Variants in DEGS2 observed in about 807,000 individuals in gnomAD.
The protein encoded by DEGS2 is delta 4-desaturase, sphingolipid 2.
DEGS2 carries 19 observed loss-of-function variants against 23.8 expected under a neutral mutation model. The observed-to-expected ratio is 0.80, with a 90% CI of 0.56 to 1.17. The LOEUF is 1.17. DEGS2 is among the 50% of genes most tolerant of loss of function. DEGS2 has a pLI of 0.00. For missense variants in DEGS2, 390 were observed against 459.5 expected (o/e 0.85, Z 1.38); for synonymous variants, 218 against 213.7 (o/e 1.02, Z -0.18).
In DEGS2 at chr14:100,146,880, C is replaced by T. The variant is rs748219862; in HGVS notation, c.853G>A (p.Asp285Asn). Reference sequence around the variant, plus strand: ...CAGGAGTGGTGCTGCGGCAGGTGGTCGTAGTACTCGGGCGCGATCTTCCGC... The same window carrying T: ...CAGGAGTGGTGCTGCGGCAGGTGGTTGTAGTACTCGGGCGCGATCTTCCGC... ...LVRKIAPEYY[D>N]HLPQHHSWVK... is the part of the protein sequence containing the mutation. Residue 285 changes from aspartate (D) to asparagine (N), a missense_variant, in exon 3 of 3, where the codon GAC becomes AAC. Coordinates refer to ENST00000305631, the MANE Select transcript of DEGS2 (RefSeq NM_206918.3). 1.6e-5 allele frequency: 26 copies of T among 1,613,268 alleles called. No individual in the cohort carries two copies. The highest frequency in any genetic ancestry group is 1.9e-5 in the Non-Finnish European group (23 of 1,179,828).
At chr14:100,156,842 G>A (rs1306829157) in intron 1 of DEGS2, among the ~76,000 whole-genome samples, 1 of 152,190 alleles carries the variant, frequency 6.6e-6, no homozygotes, top group African/African-American at 2.4e-5. Flanking sequence ...AACAGCTTGT[G>A]CCGGGGAGGG....
rs576957978 is a variant in DEGS2, at chr14:100,159,214, G to A, written c.82+292C>T. 3.3e-4 allele frequency among the ~76,000 whole-genome samples: 50 copies of A among 152,274 alleles called. No individual in the cohort carries two copies. The East Asian group carries it at 9.3e-3, about 28-fold the overall frequency. On this transcript the variant is annotated intron_variant, in intron 1 of 2. Coordinates refer to ENST00000305631, the MANE Select transcript of DEGS2 (RefSeq NM_206918.3). ...TCGCGTCCCAGCATCCCAGAGCCCCGGCCCTGGCCCCGGGAGTGGCTCGCG... is the reference window on the plus strand; with the variant it reads ...TCGCGTCCCAGCATCCCAGAGCCCCAGCCCTGGCCCCGGGAGTGGCTCGCG...
intron 1 of DEGS2, among the ~76,000 whole-genome samples, chr14:100,153,669 G>A (rs1420889768): frequency 6.6e-6 from 1 of 152,240 alleles, no homozygotes; most frequent in African/African-American, 2.4e-5. Context: ...CAGCCTGGAT[G>A]GCAGGAGTAG....
intron 1 of DEGS2, among the ~76,000 whole-genome samples, chr14:100,150,405 C>T (rs1301918808): frequency 6.7e-6 from 1 of 150,220 alleles, no homozygotes; most frequent in Non-Finnish European, 1.5e-5. Context: ...CCGCCCCGCC[C>T]CCATTCCACA....
rs1889527500 is a variant in DEGS2, at chr14:100,149,568, G to C, written c.225C>G (p.Ala75=). 6.2e-7 allele frequency: 1 copy of C among 1,608,458 alleles called. No individual in the cohort carries two copies. The highest frequency in any genetic ancestry group is 1.3e-5 in the African/African-American group (1 of 75,020). Reference sequence around the variant, plus strand: ...GCGAGTGGTTCACGCAGCCACCAAAGGCGTAGGCCCAGAACAGCAGCCAGC... The same window carrying C: ...GCGAGTGGTTCACGCAGCCACCAAACGCGTAGGCCCAGAACAGCAGCCAGC... ...AWRWLLFWAY[A]FGGCVNHSLT... is the part of the protein sequence containing the mutation. Residue 75 remains alanine (A), a synonymous_variant, in exon 2 of 3, where the codon GCC becomes GCG. Coordinates refer to ENST00000305631, the MANE Select transcript of DEGS2 (RefSeq NM_206918.3).
chr14:100,158,160 A>G (rs548533221), intron 1 of DEGS2, among the ~76,000 whole-genome samples: 1 of 151,878 alleles, frequency 6.6e-6, no homozygotes, highest in South Asian at 2.1e-4. Context: ...TGTAGTCCCA[A>G]CACTTTGGGA....
chr14:100,149,743 C>T (rs1159171096), intron 1 of DEGS2, 33 bp from the exon 2 acceptor site: 3 of 1,561,090 alleles, frequency 1.9e-6, no homozygotes, highest in Non-Finnish European at 2.6e-6. Context: ...TGAGGCCCCG[C>T]TCGGTGGGGC....
At chr14:100,147,704 A>G (rs1889477667) in intron 2 of DEGS2, among the ~76,000 whole-genome samples, 2 of 89,460 alleles carry the variant, frequency 2.2e-5, no homozygotes, top group South Asian at 8.7e-4. Context: ...TTGCCCTGTC[A>G]CCTCCTAAGG....
chr14:100,146,749 G>A lies in DEGS2; in HGVS notation c.*12C>T. On this transcript the variant is annotated 3_prime_UTR_variant, in exon 3 of 3. Coordinates refer to ENST00000305631, the MANE Select transcript of DEGS2 (RefSeq NM_206918.3). Reference sequence around the variant, plus strand: ...TGGGGGACAATGGCCACCACCAGGAGGCAGCCCGGGCTCACAGACCATCTT... The same window carrying A: ...TGGGGGACAATGGCCACCACCAGGAAGCAGCCCGGGCTCACAGACCATCTT... The A allele has an allele frequency of 6.2e-7, 1 of 1,612,226 alleles. No individual in the cohort carries two copies. Among genetic ancestry groups the A allele is most frequent in the Non-Finnish European group, 8.5e-7 (1 of 1,179,098 alleles).
intron 1 of DEGS2, among the ~76,000 whole-genome samples, chr14:100,155,060 C>T (rs1427550899): frequency 6.6e-6 from 1 of 152,202 alleles, no homozygotes; most frequent in Non-Finnish European, 1.5e-5. Context: ...CCAGGGAGGC[C>T]AAATGCCATC....
rs562572981 is a variant in DEGS2, at chr14:100,145,560, A to T, written c.*1201T>A. The T allele has an allele frequency of 1.3e-5, 2 of 152,366 alleles. No individual in the cohort carries two copies. Among genetic ancestry groups the T allele is most frequent in the African/African-American group, 4.8e-5 (2 of 41,574 alleles). 9.4% of individuals were successfully genotyped at this position (152,366 alleles called of 1,614,324 possible). On this transcript the variant is annotated 3_prime_UTR_variant, in exon 3 of 3. Coordinates refer to ENST00000305631, the MANE Select transcript of DEGS2 (RefSeq NM_206918.3). Reference sequence around the variant, plus strand: ...GGAGAGGCCTTCAAGCCCTGACTGTAGCCTCAGTCTCCATTCCTAAGTCCT... The same window carrying T: ...GGAGAGGCCTTCAAGCCCTGACTGTTGCCTCAGTCTCCATTCCTAAGTCCT...
intron 1 of DEGS2, among the ~76,000 whole-genome samples, chr14:100,158,478 C>T (rs1368830056): frequency 1.3e-5 from 2 of 152,152 alleles, no homozygotes; most frequent in African/African-American, 4.8e-5. Context: ...AGGAGAATCG[C>T]TTGAACCTGG....
chr14:100,158,803 G>A (rs1889701368), intron 1 of DEGS2, among the ~76,000 whole-genome samples: 1 of 152,210 alleles, frequency 6.6e-6, no homozygotes, highest in Non-Finnish European at 1.5e-5. Flanking sequence ...GACTCACCGG[G>A]GCCACCTTGC....
At position 100,144,101 on chromosome 14, in the gene DEGS2, C is replaced by T. The variant is rs191793298; in HGVS notation, c.*2660G>A. On this transcript the variant is annotated 3_prime_UTR_variant, in exon 3 of 3. Coordinates refer to ENST00000305631, the MANE Select transcript of DEGS2 (RefSeq NM_206918.3). ...TAGCGCCTCAGCTGGCGGTGACAGCCGGCCCAGCGTGGCGCCACCACACAC... is the reference window on the plus strand; with the variant it reads ...TAGCGCCTCAGCTGGCGGTGACAGCTGGCCCAGCGTGGCGCCACCACACAC... 56 of 323,406 alleles carry T rather than the reference C, an allele frequency of 1.7e-4. No homozygotes were observed. The East Asian group carries it at 3.5e-3, about 20-fold the overall frequency. 20.0% of individuals were successfully genotyped at this position (323,406 alleles called of 1,614,324 possible).
intron 1 of DEGS2, among the ~76,000 whole-genome samples, chr14:100,156,680 G>A (rs1889663124): frequency 6.6e-6 from 1 of 152,182 alleles, no homozygotes; most frequent in African/African-American, 2.4e-5. Context: ...TTGGAGCCAT[G>A]GAGGGGAACC....
chr14:100,147,881 C>T lies in DEGS2; in HGVS notation c.826-974G>A, dbSNP rs150137958. On this transcript the variant is annotated intron_variant, in intron 2 of 2. Transcript: ENST00000305631. ...TCCTGAGGCGGGCACCTCTCCCCTC[C>T]GCCCCGTCACCTCCTGAGGCGGGCA... Among the ~76,000 whole-genome samples the T allele has an allele frequency of 5.2e-4, 79 of 151,898 alleles. 2 individuals carry two copies. Among genetic ancestry groups the T allele is most frequent in the African/African-American group, 1.8e-3 (75 of 41,420 alleles).
intron 2 of DEGS2, 102 bp from the exon 3 acceptor site, chr14:100,147,009 A>G: frequency 1.4e-6 from 2 of 1,379,370 alleles, no homozygotes; most frequent in Non-Finnish European, 2.0e-6. Context: ...ATGCACATGC[A>G]TATTCATGTA....
intron 1 of DEGS2, among the ~76,000 whole-genome samples, chr14:100,153,562 G>A (rs1404415137): frequency 2.6e-5 from 4 of 152,194 alleles, no homozygotes; most frequent in Non-Finnish European, 5.9e-5. Flanking sequence ...GCCTGCATGG[G>A]CTCTGGCTAG....
At chr14:100,148,887 C>G in intron 2 of DEGS2, 81 bp downstream of exon 2, 1 of 1,481,816 alleles carries the variant, frequency 6.7e-7, no homozygotes, top group Non-Finnish European at 9.1e-7. Context: ...GGGCATGGCC[C>G]AAGGCCCTTC....
Sources: allele counts gnomAD v4.1 joint callset (sites outside exome capture counted in the v4.1 genomes callset), GRCh38; gene constraint gnomAD v4.1.1; transcripts MANE v1.5; gene names NCBI Gene and HGNC (gene_info 2026-07-23, HGNC 2026-07-21).